Variants in KIAA0319L observed in about 807,000 individuals in gnomAD.
KIAA0319L encodes the protein dyslexia-associated protein KIAA0319-like protein.
KIAA0319L carries 55 observed loss-of-function variants against 120.1 expected under a neutral mutation model. That is an observed-to-expected ratio of 0.46 (90% confidence interval 0.37 to 0.57). The LOEUF is 0.57. Ranked by LOEUF, KIAA0319L falls within the 20% of genes least tolerant of loss-of-function variation. The pLI, the probability that KIAA0319L is intolerant of heterozygous loss-of-function variation, is 0.00. For missense variants in KIAA0319L, 1,049 were observed against 1,255.3 expected, an observed-to-expected ratio of 0.84 and a Z score of 2.48; for synonymous variants, 398 against 471.9, an observed-to-expected ratio of 0.84 and a Z score of 2.03.
intron 3 of KIAA0319L, among the ~76,000 whole-genome samples, chr1:35,500,636 G>C (rs756752400): frequency 2.6e-5 from 4 of 152,242 alleles, no homozygotes; most frequent in Non-Finnish European, 5.9e-5. Flanking sequence ...TTTGGATGCA[G>C]AGTTGCTTGA....
chr1:35,502,230 G>A (rs1480649208), intron 3 of KIAA0319L, among the ~76,000 whole-genome samples: 2 of 148,548 alleles, frequency 1.3e-5, no homozygotes, highest in Admixed American at 6.8e-5. Context: ...AGCCAAGATC[G>A]CACCACTGCA....
chr1:35,498,281 C>T (rs1284016308), intron 3 of KIAA0319L, among the ~76,000 whole-genome samples: 1 of 151,194 alleles, frequency 6.6e-6, no homozygotes, highest in African/African-American at 2.4e-5. Context: ...TGAAGTGAGC[C>T]GAGATTGCAC....
At chr1:35,469,438 C>A (rs1360402221) in intron 6 of KIAA0319L, among the ~76,000 whole-genome samples, 1 of 152,152 alleles carries the variant, frequency 6.6e-6, no homozygotes, top group Admixed American at 6.5e-5. Context: ...GCTCCATATT[C>A]CTTCTGGATA....
intron 18 of KIAA0319L, 38 bp downstream of exon 18, chr1:35,442,868 G>T (rs768582106): frequency 6.2e-7 from 1 of 1,613,508 alleles, no homozygotes; most frequent in African/African-American, 1.3e-5. Flanking sequence ...CACATTCAGC[G>T]CCAAACAGGC....
At position 35,504,478 on chromosome 1, in the gene KIAA0319L, A is replaced by G. The variant is rs146041900; in HGVS notation, c.666+2134T>C. Among the ~76,000 whole-genome samples, 784 of 152,260 alleles carry G rather than the reference A, an allele frequency of 5.1e-3. 6 individuals carry two copies. Among genetic ancestry groups the G allele is most frequent in the South Asian group, 0.033 (160 of 4,832 alleles). ...CCCAAAGTGCTGGGATTACAGGCAT[A>G]AGCCATCACACCCAGCCAATTTTCT... On this transcript the variant is annotated intron_variant, in intron 3 of 20. Coordinates refer to ENST00000325722, the MANE Select transcript of KIAA0319L (RefSeq NM_024874.5).
At chr1:35,484,946 C>T in intron 3 of KIAA0319L, among the ~76,000 whole-genome samples, 2 of 111,124 alleles carry the variant, frequency 1.8e-5, no homozygotes, top group Admixed American at 9.8e-5. Flanking sequence ...CCAATGCTAT[C>T]CCTCCCCCCT....
chr1:35,493,696 T>A (rs1644687275), intron 3 of KIAA0319L, among the ~76,000 whole-genome samples: 1 of 151,424 alleles, frequency 6.6e-6, no homozygotes, highest in South Asian at 2.1e-4. Context: ...CTAAAAAAAA[T>A]TAGCCAGATG....
Position 35,434,847 on chromosome 1 carries a change from G to A in KIAA0319L, c.*47C>T, listed in dbSNP as rs780592964. 6 of 1,533,270 alleles carry A rather than the reference G, an allele frequency of 3.9e-6. No individual in the cohort carries two copies. The Admixed American group carries it at 9.3e-5, about 24-fold the overall frequency. 95.0% of individuals were successfully genotyped at this position (1,533,270 alleles called of 1,614,324 possible). A position where few individuals can be genotyped will look rare whatever the true frequency, so the allele number is the denominator to read the frequency against. ...CGCAGACTCGGGAGGTAGGAGGACTGGCCGGGCAGTGTGCTGGGCCCTGCC... is the reference window on the plus strand; with the variant it reads ...CGCAGACTCGGGAGGTAGGAGGACTAGCCGGGCAGTGTGCTGGGCCCTGCC... On this transcript the variant is annotated 3_prime_UTR_variant, in exon 21 of 21. Transcript: ENST00000325722.
intron 2 of KIAA0319L, among the ~76,000 whole-genome samples, chr1:35,544,382 A>G (rs1646908787): frequency 1.3e-5 from 2 of 151,858 alleles, no homozygotes; most frequent in Non-Finnish European, 2.9e-5. Flanking sequence ...AAAAAAAAAA[A>G]AAAAAAAATC....
chr1:35,519,114 GC>G (rs1645806586), intron 2 of KIAA0319L, among the ~76,000 whole-genome samples: 1 of 151,980 alleles, frequency 6.6e-6, no homozygotes, highest in Non-Finnish European at 1.5e-5. Context: ...CCATCTGAAT[GC>G]CCTAAAATTA....
intron 16 of KIAA0319L, 64 bp downstream of exon 16, chr1:35,448,109 C>T (rs1641772246): frequency 1.4e-6 from 2 of 1,445,760 alleles, no homozygotes; most frequent in Non-Finnish European, 1.9e-6. Context: ...TATTTCTCAG[C>T]TCATTCAAGA....
chr1:35,513,288 ATTTTTT>A (rs67198806), intron 2 of KIAA0319L, among the ~76,000 whole-genome samples: 6,765 of 85,138 alleles, frequency 0.079, 184 homozygotes, highest in African/African-American at 0.11. Flanking sequence ...ATATATATAT[ATTTTTT>A]TTTTTTTTTT....
At chr1:35,500,616 T>C (rs1333450038) in intron 3 of KIAA0319L, among the ~76,000 whole-genome samples, 1 of 152,232 alleles carries the variant, frequency 6.6e-6, no homozygotes, top group East Asian at 1.9e-4. Flanking sequence ...ATGATACAAT[T>C]TCTCTCCACT....
At chr1:35,454,264 G>C in intron 11 of KIAA0319L, 98 bp downstream of exon 11, 1 of 1,326,218 alleles carries the variant, frequency 7.5e-7, no homozygotes, top group South Asian at 1.3e-5. Flanking sequence ...GGTGCCTTCT[G>C]CTTCTACCCT....
intron 2 of KIAA0319L, among the ~76,000 whole-genome samples, chr1:35,545,222 G>C (rs1304151083): frequency 1.3e-5 from 2 of 152,132 alleles, no homozygotes; most frequent in African/African-American, 2.4e-5. Flanking sequence ...TGCCCTCTAG[G>C]GGGGCAAGAG....
At chr1:35,467,416 T>C (rs1224533900) in intron 6 of KIAA0319L, among the ~76,000 whole-genome samples, 1 of 152,036 alleles carries the variant, frequency 6.6e-6, no homozygotes, top group African/African-American at 2.4e-5. Context: ...ACTCATCAAA[T>C]TTCTCCATTT....
intron 2 of KIAA0319L, among the ~76,000 whole-genome samples, chr1:35,532,525 TTAAGA>T (rs1212033529): frequency 6.6e-6 from 1 of 152,188 alleles, no homozygotes. Context: ...ATAATTTAAC[TTAAGA>T]TTAAATTTTC....
At position 35,440,807 on chromosome 1, in the gene KIAA0319L, G is replaced by C. The variant is rs1641150277; in HGVS notation, c.2962+240C>G. 8 of 530,228 alleles carry C rather than the reference G, an allele frequency of 1.5e-5. No individual in the cohort carries two copies. The East Asian group carries it at 2.4e-4, about 16-fold the overall frequency. The allele number at this position is 530,228 out of a possible 1,614,324, so 32.8% of individuals were successfully genotyped here. A position where few individuals can be genotyped will look rare whatever the true frequency, so the allele number is the denominator to read the frequency against. ...AACATGAGGAGAATGCCCAGGCAAA[G>C]GAAAACAACAGGCCCAGCACCCCCG... On this transcript the variant is annotated intron_variant, in intron 20 of 20. Coordinates refer to ENST00000325722, the MANE Select transcript of KIAA0319L (RefSeq NM_024874.5).
chr1:35,487,074 G>A (rs1312189000), intron 3 of KIAA0319L, among the ~76,000 whole-genome samples: 2 of 152,006 alleles, frequency 1.3e-5, no homozygotes, highest in Non-Finnish European at 2.9e-5. Context: ...TCCTGTGCAT[G>A]TCTGGTAATT....
Sources: gnomAD v4.1 joint callset for allele counts (sites outside exome capture counted in the v4.1 genomes callset) on GRCh38, gnomAD v4.1.1 for gene constraint, MANE v1.5 for transcripts, NCBI Gene and HGNC (gene_info 2026-07-23, HGNC 2026-07-21) for gene names.